Variants in SLC30A7 observed in about 807,000 individuals in gnomAD.
SLC30A7 encodes solute carrier family 30 member 7, also known as zinc transporter 7.
In SLC30A7, 35 loss-of-function variants were observed where a neutral mutation model predicts 46.0. That is an observed-to-expected ratio of 0.76 (90% CI 0.58 to 1.01). The LOEUF (loss-of-function observed/expected upper bound fraction) is 1.01. SLC30A7 is among the 50% of genes least tolerant of loss of function. The probability of loss-of-function intolerance (pLI) is 0.00; values close to 1 mark genes in which losing one functional copy is unlikely to be tolerated. For synonymous variants in SLC30A7, 147 were observed against 157.8 expected, an observed-to-expected ratio of 0.93 and a Z score of 0.51; for missense variants, 464 against 451.1, an observed-to-expected ratio of 1.03 and a Z score of -0.26.
At chr1:100,911,355 A>G (rs1001658464) in intron 4 of SLC30A7, among the ~76,000 whole-genome samples, 20 of 152,180 alleles carry the variant, frequency 1.3e-4, no homozygotes, top group African/African-American at 4.6e-4. Flanking sequence ...CAATTAAATG[A>G]TAGTGCTTTA....
Position 100,975,090 on chromosome 1 carries a change from A to G in SLC30A7, c.*233A>G, listed in dbSNP as rs1656392782. The G allele has an allele frequency of 2.7e-6, 1 of 376,280 alleles. No individual in the cohort carries two copies. Among genetic ancestry groups the G allele is most frequent in the South Asian group, 1.4e-4 (1 of 7,032 alleles). 23.3% of individuals were successfully genotyped at this position (376,280 alleles called of 1,614,324 possible). A position where few individuals can be genotyped will look rare whatever the true frequency, so the allele number is the denominator to read the frequency against. On this transcript the variant is annotated 3_prime_UTR_variant, in exon 11 of 11. Coordinates refer to ENST00000357650, the MANE Select transcript of SLC30A7 (RefSeq NM_133496.5). Reference sequence around the variant, plus strand: ...TCTTTTCTTTTGTGCTCTTTCCTCCAAATCTTTTTGACTTCTGAGGTTTTT... The same window carrying G: ...TCTTTTCTTTTGTGCTCTTTCCTCCGAATCTTTTTGACTTCTGAGGTTTTT...
At chr1:100,917,086 C>T (rs1473911720) in intron 6 of SLC30A7, among the ~76,000 whole-genome samples, 1 of 152,088 alleles carries the variant, frequency 6.6e-6, no homozygotes, top group Non-Finnish European at 1.5e-5. Context: ...TTGCCTGTGT[C>T]AGTCTCTAAA....
chr1:100,987,850 T>C, the SLC30A7 span, among the ~76,000 whole-genome samples: 1 of 152,334 alleles, frequency 6.6e-6, no homozygotes, highest in South Asian at 2.1e-4. Flanking sequence ...GATTTTATAT[T>C]ATGTTAAAGG....
intron 6 of SLC30A7, 74 bp from the exon 7 acceptor site, chr1:100,918,003 G>A (rs994426417): frequency 2.4e-5 from 29 of 1,231,244 alleles, no homozygotes; most frequent in Non-Finnish European, 7.1e-6. Flanking sequence ...GCATTTGAAT[G>A]AAAAGGACTC....
intron 8 of SLC30A7, among the ~76,000 whole-genome samples, chr1:100,955,518 CT>C (rs1244893907): frequency 6.6e-6 from 1 of 151,966 alleles, no homozygotes; most frequent in Non-Finnish European, 1.5e-5. Flanking sequence ...ATTGTGAATG[CT>C]AGAATTGGGT....
chr1:100,896,368 G>A (rs1650927446), intron 1 of SLC30A7, 26 bp downstream of exon 1: 2 of 1,612,340 alleles, frequency 1.2e-6, no homozygotes, highest in African/African-American at 2.7e-5. Flanking sequence ...TTTGCGGGGA[G>A]GGGGTGTCCG....
intron 8 of SLC30A7, among the ~76,000 whole-genome samples, chr1:100,949,040 C>T (rs1452123758): frequency 3.3e-5 from 5 of 152,132 alleles, no homozygotes; most frequent in Admixed American, 1.3e-4. Context: ...TCTGTCAACT[C>T]GTCTAAGTCC....
intron 8 of SLC30A7, among the ~76,000 whole-genome samples, chr1:100,956,854 TGAAAATGGATAC>T (rs1655250928): frequency 2.0e-5 from 3 of 152,116 alleles, no homozygotes; most frequent in African/African-American, 7.2e-5. Context: ...TCATGGAAAA[TGAAAATGGATAC>T]AAGCATAATA....
At chr1:100,993,561 T>TATATATATATATATATATATATATAA in the SLC30A7 span, among the ~76,000 whole-genome samples, 1 of 61,848 alleles carries the variant, frequency 1.6e-5, no homozygotes, top group Non-Finnish European at 3.2e-5. Context: ...AAAATATAAA[T>TATATATATATATATATATATATATAA]ATATATATAT....
chr1:100,987,828 G>A, the SLC30A7 span, among the ~76,000 whole-genome samples: 1 of 151,734 alleles, frequency 6.6e-6, no homozygotes, highest in Non-Finnish European at 1.5e-5. Context: ...TAAAGTATTG[G>A]CTAATCACCT....
chr1:100,992,132 T>C, the SLC30A7 span, among the ~76,000 whole-genome samples: 1 of 151,864 alleles, frequency 6.6e-6, no homozygotes, highest in African/African-American at 2.4e-5. Context: ...TAAAGATTTA[T>C]TGACAATAAA....
intron 8 of SLC30A7, among the ~76,000 whole-genome samples, chr1:100,936,254 C>G (rs1408393650): frequency 6.6e-6 from 1 of 152,110 alleles, no homozygotes; most frequent in Non-Finnish European, 1.5e-5. Context: ...TTGTCTCAGT[C>G]TGGTGTCTGG....
chr1:100,923,735 T>C (rs983693827), intron 8 of SLC30A7, among the ~76,000 whole-genome samples: 5 of 152,216 alleles, frequency 3.3e-5, no homozygotes, highest in African/African-American at 7.2e-5. Flanking sequence ...GCTATGATGG[T>C]GCCACTGCAT....
Position 100,923,563 on chromosome 1 carries a change from A to T in SLC30A7, c.842+1722A>T, listed in dbSNP as rs1269034457. ...GAGGCTGAGACAGGAGGATTGTTTG[A>T]GGCCAGGAGTATAAGACCAGCCTGG... On this transcript the variant is annotated intron_variant, in intron 8 of 10. Coordinates refer to ENST00000357650, the MANE Select transcript of SLC30A7 (RefSeq NM_133496.5). 2.0e-5 allele frequency among the ~76,000 whole-genome samples: 3 copies of T among 152,196 alleles called. No homozygotes were observed. In the East Asian group the frequency reaches 5.8e-4, roughly 29 times the overall value.
Position 100,923,822 on chromosome 1 carries a change from C to T in SLC30A7, c.842+1981C>T, listed in dbSNP as rs370834243. On this transcript the variant is annotated intron_variant, in intron 8 of 10. Coordinates refer to ENST00000357650, the MANE Select transcript of SLC30A7 (RefSeq NM_133496.5). The stretch of plus-strand genomic sequence containing the variant: ...AAAGGATTTCGTAAAGTTTGAAATG[C>T]CTTTTCTTCTTCTTTGGAAATCTTA... Among the ~76,000 whole-genome samples, 4 of 152,082 alleles carry T rather than the reference C, an allele frequency of 2.6e-5. No homozygotes were observed. In the South Asian group the frequency reaches 8.3e-4, roughly 32 times the overall value.
rs1283140694 is a variant in SLC30A7, at chr1:100,979,826, A to G, written c.*4969A>G. 1 of 152,144 alleles carries G rather than the reference A, an allele frequency of 6.6e-6. No individual in the cohort carries two copies. Among genetic ancestry groups the G allele is most frequent in the Non-Finnish European group, 1.5e-5 (1 of 68,004 alleles). 9.4% of individuals were successfully genotyped at this position (152,144 alleles called of 1,614,324 possible). On this transcript the variant is annotated 3_prime_UTR_variant, in exon 11 of 11. Transcript: ENST00000357650. Reference sequence around the variant, plus strand: ...TCTAGCCAGTAGTAGAGTACTGATTAATCAGGTGCTGACATCTGCTCTGCT... The same window carrying G: ...TCTAGCCAGTAGTAGAGTACTGATTGATCAGGTGCTGACATCTGCTCTGCT...
the SLC30A7 span, among the ~76,000 whole-genome samples, chr1:100,992,447 AT>A: frequency 4.6e-5 from 7 of 151,762 alleles, no homozygotes; most frequent in East Asian, 1.9e-4. Context: ...AAGAATGCCA[AT>A]TTTTTTTTCT....
chr1:100,947,092 C>A (rs879922663), intron 8 of SLC30A7, among the ~76,000 whole-genome samples: 72 of 152,286 alleles, frequency 4.7e-4, no homozygotes, highest in Non-Finnish European at 8.5e-4. Context: ...TTCTTGCCTT[C>A]TGCTAGCTTT....
chr1:100,927,098 A>G (rs1163002858), intron 8 of SLC30A7, among the ~76,000 whole-genome samples: 1 of 152,238 alleles, frequency 6.6e-6, no homozygotes, highest in African/African-American at 2.4e-5. Context: ...AGAGAGTGGT[A>G]GATACATGTT....
Sources: gnomAD v4.1 joint callset for allele counts (sites outside exome capture counted in the v4.1 genomes callset) on GRCh38, gnomAD v4.1.1 for gene constraint, MANE v1.5 for transcripts, NCBI Gene and HGNC (gene_info 2026-07-23, HGNC 2026-07-21) for gene names.